The following BMP5 variants were observed in gnomAD, a reference collection of about 807,000 sequenced individuals.
The protein encoded by BMP5 is bone morphogenetic protein 5.
In BMP5, 23 loss-of-function variants were observed where a neutral mutation model predicts 46.6. The ratio of observed to expected loss-of-function variants is 0.49; its 90% CI spans 0.35 to 0.70. BMP5 has a LOEUF of 0.70. Among genes scored for constraint, BMP5 ranks in the 30% least tolerant of loss-of-function variants. The pLI, the probability that BMP5 is intolerant of heterozygous loss-of-function variation, is 0.00. For synonymous variants in BMP5, 204 were observed against 191.9 expected (o/e 1.06, Z -0.52); for missense variants, 545 against 565.6 (o/e 0.96, Z 0.37).
chr6:55,812,298 T>G lies in BMP5; in HGVS notation c.683+7357A>C, dbSNP rs140853978. 1.6e-3 allele frequency among the ~76,000 whole-genome samples: 250 copies of G among 152,220 alleles called. 1 individual carries two copies. The highest frequency in any genetic ancestry group is 5.7e-3 in the African/African-American group (236 of 41,530). ...CATTTAAATATGAGTAGGGATAAAT[T>G]GGGAAGGTGGGAGAAATGGTAGGAA... is the stretch of plus-strand genomic sequence containing the variant. On this transcript the variant is annotated intron_variant, in intron 2 of 6. Coordinates refer to ENST00000370830, the MANE Select transcript of BMP5 (RefSeq NM_021073.4).
chr6:55,782,015 T>C (rs543475107), intron 3 of BMP5, among the ~76,000 whole-genome samples: 56 of 151,764 alleles, frequency 3.7e-4, no homozygotes, highest in Middle Eastern at 3.4e-3. Flanking sequence ...CGGCACCTAA[T>C]AAAGAAAGTG....
intron 6 of BMP5, among the ~76,000 whole-genome samples, chr6:55,756,637 C>T (rs1052546474): frequency 2.0e-5 from 3 of 151,870 alleles, no homozygotes; most frequent in Admixed American, 6.6e-5. Context: ...ACAGTTTTGG[C>T]TGTACAACGT....
At chr6:55,790,209 A>G (rs1269381329) in intron 3 of BMP5, among the ~76,000 whole-genome samples, 1 of 152,206 alleles carries the variant, frequency 6.6e-6, no homozygotes, top group African/African-American at 2.4e-5. Flanking sequence ...TTTAGTTACT[A>G]ATTCCAAAAC....
chr6:55,758,646 A>C (rs1774675276), intron 6 of BMP5, among the ~76,000 whole-genome samples: 1 of 151,942 alleles, frequency 6.6e-6, no homozygotes, highest in Non-Finnish European at 1.5e-5. Flanking sequence ...AATTTAGTAC[A>C]GCTATTACTC....
intron 4 of BMP5, among the ~76,000 whole-genome samples, chr6:55,764,962 T>A (rs1447165466): frequency 6.6e-6 from 1 of 152,206 alleles, no homozygotes; most frequent in African/African-American, 2.4e-5. Flanking sequence ...ATTAGGAATG[T>A]TCCCAATGTA....
chr6:55,783,831 A>T (rs915468624), intron 3 of BMP5, among the ~76,000 whole-genome samples: 1 of 151,968 alleles, frequency 6.6e-6, no homozygotes, highest in African/African-American at 2.4e-5. Flanking sequence ...TACTGTTCTG[A>T]ATTAGGGAAA....
intron 4 of BMP5, among the ~76,000 whole-genome samples, chr6:55,770,959 TA>T (rs1326875407): frequency 1.3e-5 from 2 of 151,780 alleles, no homozygotes; most frequent in Non-Finnish European, 2.9e-5. Context: ...ACTGATAACA[TA>T]AACCATAACA....
chr6:55,835,671 G>A (rs1005190025), intron 1 of BMP5, among the ~76,000 whole-genome samples: 2 of 152,126 alleles, frequency 1.3e-5, no homozygotes, highest in Non-Finnish European at 2.9e-5. Context: ...CTCTGTCTGA[G>A]GCTTGGATTA....
chr6:55,839,322 T>C (rs560166393), intron 1 of BMP5, among the ~76,000 whole-genome samples: 1 of 152,208 alleles, frequency 6.6e-6, no homozygotes, highest in African/African-American at 2.4e-5. Flanking sequence ...TTATTCATCA[T>C]TTATTATTAA....
At chr6:55,836,613 CACAA>C (rs1358457675) in intron 1 of BMP5, among the ~76,000 whole-genome samples, 2 of 145,354 alleles carry the variant, frequency 1.4e-5, no homozygotes, top group African/African-American at 5.4e-5. Flanking sequence ...CCAACACACA[CACAA>C]ACACATACAT....
At chr6:55,823,828 G>A (rs972200380) in intron 1 of BMP5, among the ~76,000 whole-genome samples, 1 of 151,480 alleles carries the variant, frequency 6.6e-6, no homozygotes, top group South Asian at 2.1e-4. Flanking sequence ...CTTTATCTTA[G>A]CACATGTGTT....
At chr6:55,796,471 T>C (rs957453751) in intron 2 of BMP5, among the ~76,000 whole-genome samples, 1 of 151,960 alleles carries the variant, frequency 6.6e-6, no homozygotes, top group Admixed American at 6.6e-5. Context: ...ATATATATAT[T>C]TTTTTCTTAT....
intron 1 of BMP5, among the ~76,000 whole-genome samples, chr6:55,829,839 C>T (rs535725778): frequency 1.3e-5 from 2 of 151,982 alleles, no homozygotes; most frequent in South Asian, 2.1e-4. Flanking sequence ...TCTATATTCT[C>T]ATTGATTTTT....
At chr6:55,822,614 T>C (rs2127539549) in intron 1 of BMP5, among the ~76,000 whole-genome samples, 1 of 152,200 alleles carries the variant, frequency 6.6e-6, no homozygotes, top group Admixed American at 6.6e-5. Context: ...ACAAGTATAG[T>C]CCTAAAAATA....
chr6:55,820,067 C>A (rs1277985353), intron 1 of BMP5, among the ~76,000 whole-genome samples: 1 of 152,118 alleles, frequency 6.6e-6, no homozygotes, highest in Admixed American at 6.6e-5. Flanking sequence ...CGGTTTTATA[C>A]AAATTCCTGG....
At chr6:55,796,256 G>A (rs909449668) in intron 2 of BMP5, among the ~76,000 whole-genome samples, 5 of 151,812 alleles carry the variant, frequency 3.3e-5, no homozygotes, top group African/African-American at 1.2e-4. Context: ...TATTAATAAA[G>A]ACATGAAAAA....
chr6:55,824,912 T>C (rs1452141772), intron 1 of BMP5, among the ~76,000 whole-genome samples: 1 of 151,842 alleles, frequency 6.6e-6, no homozygotes, highest in Non-Finnish European at 1.5e-5. Context: ...GTTTTGAAGA[T>C]TTCCAGGTGT....
Position 55,755,522 on chromosome 6 carries a change from A to G in BMP5, c.*11T>C, listed in dbSNP as rs1179074508. 1.1e-5 allele frequency: 17 copies of G among 1,601,090 alleles called. No homozygotes were observed. Among genetic ancestry groups the G allele is most frequent in the Middle Eastern group, 1.7e-4 (1 of 6,038 alleles). ...TACAGATCTTTTTGTTATTATCAAT[A>G]TTATTTAATATTAGTGGCAGCCACA... On this transcript the variant is annotated 3_prime_UTR_variant, in exon 7 of 7. Coordinates refer to ENST00000370830, the MANE Select transcript of BMP5 (RefSeq NM_021073.4).
intron 2 of BMP5, among the ~76,000 whole-genome samples, chr6:55,816,081 C>T (rs780209828): frequency 2.6e-5 from 4 of 151,788 alleles, no homozygotes; most frequent in Admixed American, 6.6e-5. Flanking sequence ...AACTGGTATG[C>T]CAATCATTCC....
Sources: allele counts gnomAD v4.1 joint callset (sites outside exome capture counted in the v4.1 genomes callset), GRCh38; gene constraint gnomAD v4.1.1; transcripts MANE v1.5; gene names NCBI Gene and HGNC (gene_info 2026-07-23, HGNC 2026-07-21).